Variants in RASGRP1 observed in about 807,000 individuals in gnomAD.
The protein encoded by RASGRP1 is RAS guanyl-releasing protein 1.
RASGRP1 carries 37 observed loss-of-function variants against 95.1 expected under a neutral mutation model. The ratio of observed to expected loss-of-function variants is 0.39; its 90% confidence interval spans 0.30 to 0.51. The LOEUF is 0.51. Ranked by LOEUF, RASGRP1 falls within the 20% of genes least tolerant of loss-of-function variation. The probability of loss-of-function intolerance (pLI) is 0.80; values close to 1 mark genes in which losing one functional copy is unlikely to be tolerated. For missense variants in RASGRP1, 711 were observed against 965.4 expected, an observed-to-expected ratio of 0.74 and a Z score of 3.49; for synonymous variants, 325 against 353.4, an observed-to-expected ratio of 0.92 and a Z score of 0.90.
At chr15:38,509,715 G>A (rs970581551) in intron 8 of RASGRP1, among the ~76,000 whole-genome samples, 1 of 152,192 alleles carries the variant, frequency 6.6e-6, no homozygotes, top group African/African-American at 2.4e-5. Flanking sequence ...GACAGAGTGA[G>A]ACTGTCTCAA....
In RASGRP1 at chr15:38,556,220, C is replaced by A. The variant is rs551092716; in HGVS notation, c.220+3601G>T. 8.2e-4 allele frequency among the ~76,000 whole-genome samples: 125 copies of A among 152,208 alleles called. No homozygotes were observed. The South Asian group carries it at 0.025, about 31-fold the overall frequency. On this transcript the variant is annotated intron_variant, in intron 2 of 16. Transcript: ENST00000310803. The stretch of plus-strand genomic sequence containing the variant: ...CATGATCTCTGGTTAGAACAGAAGG[C>A]GGGAGTGGGTTGTTTCATGGTTAAA...
intron 2 of RASGRP1, among the ~76,000 whole-genome samples, chr15:38,544,724 C>T (rs1893042841): frequency 6.6e-6 from 1 of 152,226 alleles, no homozygotes; most frequent in African/African-American, 2.4e-5. Flanking sequence ...GTTGCAGCAG[C>T]AGAAAACGAA....
chr15:38,493,439 A>C (rs1389073199), intron 16 of RASGRP1, among the ~76,000 whole-genome samples: 1 of 148,420 alleles, frequency 6.7e-6, no homozygotes, highest in Non-Finnish European at 1.5e-5. Flanking sequence ...CTGCCTCCCA[A>C]AGTGCTGGGG....
intron 2 of RASGRP1, among the ~76,000 whole-genome samples, chr15:38,539,928 ATTTTTT>A (rs1479128232): frequency 6.6e-6 from 1 of 151,848 alleles, no homozygotes; most frequent in East Asian, 1.9e-4. Flanking sequence ...TTTTATTTTT[ATTTTTT>A]GAGACAAGGT....
intron 2 of RASGRP1, among the ~76,000 whole-genome samples, chr15:38,542,802 T>C (rs1892918306): frequency 6.7e-6 from 1 of 148,566 alleles, no homozygotes; most frequent in Non-Finnish European, 1.5e-5. Context: ...TAGCATAAAA[T>C]GAAGTTCTTG....
At chr15:38,499,116 G>GC (rs1213522810) in intron 14 of RASGRP1, 170 bp from the exon 15 acceptor site, 1 of 906,392 alleles carries the variant, frequency 1.1e-6, no homozygotes, top group Admixed American at 1.8e-5. Flanking sequence ...ACTTGGTGAA[G>GC]CCCAGAGCTC....
At position 38,490,611 on chromosome 15, in the gene RASGRP1, G is replaced by A. The variant is rs1203458691; in HGVS notation, c.2337C>T (p.Leu779=). ...LKYAQKKIES[L]QLEKSNHVLA... ...AGACATGATTGCTTTTTTCAAGCTG[G>A]AGGGATTCTATTTTCTTCTGTGCAT... The change falls in exon 17 of 17, where the codon CTC becomes CTT. Residue 779 remains leucine (L), a synonymous_variant. Coordinates refer to ENST00000310803, the MANE Select transcript of RASGRP1 (RefSeq NM_005739.4). The A allele has an allele frequency of 4.3e-6, 7 of 1,613,198 alleles. No individual in the cohort carries two copies. Among genetic ancestry groups the A allele is most frequent in the Non-Finnish European group, 5.9e-6 (7 of 1,179,492 alleles).
At chr15:38,515,675 G>C (rs950097506) in intron 6 of RASGRP1, among the ~76,000 whole-genome samples, 1 of 151,902 alleles carries the variant, frequency 6.6e-6, no homozygotes, top group Non-Finnish European at 1.5e-5. Flanking sequence ...GTATGTTCTG[G>C]GCTAGGGCAG....
chr15:38,557,371 A>G (rs1221825768), intron 2 of RASGRP1, among the ~76,000 whole-genome samples: 1 of 152,154 alleles, frequency 6.6e-6, no homozygotes, highest in Non-Finnish European at 1.5e-5. Flanking sequence ...TGCCTCTTTC[A>G]TGTACTGTGA....
At chr15:38,552,261 T>A (rs529657863) in intron 2 of RASGRP1, among the ~76,000 whole-genome samples, 1 of 152,230 alleles carries the variant, frequency 6.6e-6, no homozygotes. Context: ...GGTTGTTTTA[T>A]AAGATACATA....
chr15:38,511,527 C>T, intron 8 of RASGRP1, 77 bp downstream of exon 8: 1 of 1,141,172 alleles, frequency 8.8e-7, no homozygotes, highest in Non-Finnish European at 1.3e-6. Flanking sequence ...GCTCTCTGGG[C>T]TGCCCACCAA....
chr15:38,498,753 T>G, intron 15 of RASGRP1, 41 bp downstream of exon 15: 1 of 1,597,708 alleles, frequency 6.3e-7, no homozygotes, highest in Non-Finnish European at 8.5e-7. Flanking sequence ...TTTCCCTTCC[T>G]ACTTCACTTT....
rs115212505 is a variant in RASGRP1 at position 38,508,336 on chromosome 15, A to G, written c.967-335T>C. Among the ~76,000 whole-genome samples, 831 of 152,354 alleles carry G rather than the reference A, an allele frequency of 5.5e-3. 11 individuals are homozygous for G. Among genetic ancestry groups the G allele is most frequent in the African/African-American group, 0.019 (786 of 41,586 alleles). ...AAAAATTAAAAAGGTACAAGAATAT[A>G]TAGTGAACACTATCCCTCTAACTCC... is the stretch of plus-strand genomic sequence containing the variant. On this transcript the variant is annotated intron_variant, in intron 8 of 16. Transcript: ENST00000310803.
chr15:38,503,405 A>G (rs1437533645), intron 10 of RASGRP1, 29 bp from the exon 11 acceptor site: 1 of 1,447,584 alleles, frequency 6.9e-7, no homozygotes. Context: ...AGAAATCCTC[A>G]TGACTACAAT....
At chr15:38,556,035 A>G (rs1402735198) in intron 2 of RASGRP1, among the ~76,000 whole-genome samples, 1 of 152,242 alleles carries the variant, frequency 6.6e-6, no homozygotes, top group African/African-American at 2.4e-5. Flanking sequence ...AAGGGAAAAA[A>G]AATAAAAGCC....
chr15:38,533,390 CTA>C (rs1404831485), intron 2 of RASGRP1, among the ~76,000 whole-genome samples: 2 of 152,162 alleles, frequency 1.3e-5, no homozygotes, highest in African/African-American at 2.4e-5. Context: ...AAATAAATAA[CTA>C]TGTGATAAAT....
intron 2 of RASGRP1, among the ~76,000 whole-genome samples, chr15:38,539,042 GTAT>G (rs1892767369): frequency 6.6e-6 from 1 of 152,134 alleles, no homozygotes; most frequent in African/African-American, 2.4e-5. Flanking sequence ...TGAGAGATGG[GTAT>G]TATTTGCATT....
chr15:38,528,578 T>G (rs1382544913), intron 2 of RASGRP1, among the ~76,000 whole-genome samples: 1 of 152,178 alleles, frequency 6.6e-6, no homozygotes, highest in East Asian at 1.9e-4. Context: ...TCTCAGCCTC[T>G]CTCTCAGGCT....
At chr15:38,499,004 G>C (rs1890906106) in intron 14 of RASGRP1, 58 bp from the exon 15 acceptor site, 2 of 1,609,116 alleles carry the variant, frequency 1.2e-6, no homozygotes, top group Non-Finnish European at 1.7e-6. Flanking sequence ...TCCCCAGTGT[G>C]TCTCACAACC....
Sources: gnomAD v4.1 joint callset for allele counts (sites outside exome capture counted in the v4.1 genomes callset) on GRCh38, gnomAD v4.1.1 for gene constraint, MANE v1.5 for transcripts, NCBI Gene and HGNC (gene_info 2026-07-23, HGNC 2026-07-21) for gene names.